Variants in TBC1D5 observed in about 807,000 individuals in gnomAD.
The protein encoded by TBC1D5 is TBC1 domain family, member 5.
Under a neutral mutation model 100.3 loss-of-function variants are expected in TBC1D5, and 75 were observed. That is an observed-to-expected ratio of 0.75 (90% CI 0.62 to 0.91). The LOEUF (loss-of-function observed/expected upper bound fraction) is 0.91. TBC1D5 is among the 40% of genes least tolerant of loss of function. The pLI is 0.00. For missense variants in TBC1D5, 910 were observed against 942.4 expected (o/e 0.97, Z 0.45); for synonymous variants, 323 against 325.6 (o/e 0.99, Z 0.09).
At chr3:17,378,176 A>G (rs1381867863) in intron 9 of TBC1D5, among the ~76,000 whole-genome samples, 2 of 151,908 alleles carry the variant, frequency 1.3e-5, no homozygotes, top group African/African-American at 4.8e-5. Flanking sequence ...AAAGTTAAGA[A>G]ATAAATTTAA....
intron 1 of TBC1D5, among the ~76,000 whole-genome samples, chr3:17,692,361 G>T (rs546681773): frequency 6.6e-6 from 1 of 152,148 alleles, no homozygotes; most frequent in African/African-American, 2.4e-5. Context: ...CAAAGTGCTG[G>T]GATTACAGGT....
At chr3:17,705,061 C>T (rs1160039448) in intron 1 of TBC1D5, among the ~76,000 whole-genome samples, 20 of 130,188 alleles carry the variant, frequency 1.5e-4, no homozygotes, top group African/African-American at 2.6e-4. Context: ...CTGACCCCCC[C>T]ACCTCCCTCC....
chr3:17,658,010 T>A (rs2153734560), intron 1 of TBC1D5, among the ~76,000 whole-genome samples: 1 of 152,332 alleles, frequency 6.6e-6, no homozygotes, highest in East Asian at 1.9e-4. Flanking sequence ...TATGTTTAGA[T>A]AAACAGATAC....
At chr3:17,297,954 G>C (rs1025268896) in intron 14 of TBC1D5, among the ~76,000 whole-genome samples, 1 of 152,060 alleles carries the variant, frequency 6.6e-6, no homozygotes, top group Non-Finnish European at 1.5e-5. Flanking sequence ...TAAGTACTCA[G>C]AATCAAAGCC....
chr3:17,694,161 A>C (rs2071624731), intron 1 of TBC1D5, among the ~76,000 whole-genome samples: 1 of 152,224 alleles, frequency 6.6e-6, no homozygotes, highest in African/African-American at 2.4e-5. Context: ...AAAAGCTGAA[A>C]ATTCCAAAAA....
At chr3:17,495,535 T>C (rs991520871) in intron 3 of TBC1D5, among the ~76,000 whole-genome samples, 1 of 152,240 alleles carries the variant, frequency 6.6e-6, no homozygotes, top group Non-Finnish European at 1.5e-5. Context: ...TATGACTTGG[T>C]TGACAGCACA....
intron 2 of TBC1D5, among the ~76,000 whole-genome samples, chr3:17,599,718 T>C (rs1485241684): frequency 1.3e-5 from 2 of 152,138 alleles, no homozygotes; most frequent in Non-Finnish European, 2.9e-5. Flanking sequence ...AGCCCAAAAG[T>C]GCTCACTCCA....
chr3:17,383,282 G>A (rs905103845), intron 9 of TBC1D5, among the ~76,000 whole-genome samples: 10 of 151,444 alleles, frequency 6.6e-5, no homozygotes, highest in African/African-American at 2.4e-4. Context: ...TGCATTTGGA[G>A]AAATACATAA....
At chr3:17,552,607 C>A (rs1250354486) in intron 2 of TBC1D5, among the ~76,000 whole-genome samples, 1 of 152,124 alleles carries the variant, frequency 6.6e-6, no homozygotes, top group African/African-American at 2.4e-5. Flanking sequence ...CCAAATAGAG[C>A]TTAAATGCTA....
chr3:17,507,704 G>C (rs981912667), intron 3 of TBC1D5, among the ~76,000 whole-genome samples: 1 of 152,068 alleles, frequency 6.6e-6, no homozygotes, highest in East Asian at 1.9e-4. Flanking sequence ...TCACAATCTT[G>C]ATACCTGCAT....
At chr3:17,629,971 A>G (rs140881748) in intron 1 of TBC1D5, among the ~76,000 whole-genome samples, 3 of 152,336 alleles carry the variant, frequency 2.0e-5, no homozygotes, top group African/African-American at 7.2e-5. Context: ...CATGAGGGCT[A>G]AAAATAAGGC....
intron 3 of TBC1D5, among the ~76,000 whole-genome samples, chr3:17,483,745 A>G (rs1371286510): frequency 1.3e-5 from 2 of 152,220 alleles, no homozygotes; most frequent in African/African-American, 2.4e-5. Flanking sequence ...TTAACAAGAC[A>G]AAAGATTTGT....
Position 17,161,235 on chromosome 3 carries a change from AC to A in TBC1D5, c.2115del (p.Cys706AlafsTer12). 1 of 1,612,602 alleles carries A rather than the reference AC, an allele frequency of 6.2e-7. No individual in the cohort carries two copies. Among genetic ancestry groups the A allele is most frequent in the Non-Finnish European group, 8.5e-7 (1 of 1,179,054 alleles). The stretch of plus-strand genomic sequence containing the variant: ...TCATCGGAATTCCCTCTATCAGTGC[AC>A]CCTGGCGTTTCTGAAGAGGCCTGTG... On this transcript the variant is annotated frameshift_variant, in exon 22 of 22. Coordinates refer to ENST00000253692, the Ensembl canonical transcript of TBC1D5. LOFTEE classifies it high-confidence loss of function.
chr3:17,236,485 C>G (rs1043774374), intron 17 of TBC1D5, among the ~76,000 whole-genome samples: 1 of 150,870 alleles, frequency 6.6e-6, no homozygotes, highest in Non-Finnish European at 1.5e-5. Flanking sequence ...TAATTTTCAA[C>G]GAGATTTTTT....
intron 18 of TBC1D5, among the ~76,000 whole-genome samples, chr3:17,188,726 G>A: frequency 6.6e-6 from 1 of 152,114 alleles, no homozygotes; most frequent in Non-Finnish European, 1.5e-5. Flanking sequence ...CAAAACTGTG[G>A]GAACTGACTT....
At chr3:17,556,477 A>G (rs2096522184) in intron 2 of TBC1D5, among the ~76,000 whole-genome samples, 1 of 152,096 alleles carries the variant, frequency 6.6e-6, no homozygotes, top group South Asian at 2.1e-4. Context: ...AATAACTACT[A>G]AGCCTGCCTC....
chr3:17,317,745 C>A (rs1208423728), intron 13 of TBC1D5, among the ~76,000 whole-genome samples: 1 of 152,050 alleles, frequency 6.6e-6, no homozygotes, highest in Non-Finnish European at 1.5e-5. Flanking sequence ...GCATTTATAT[C>A]AATTTTTTGA....
chr3:17,410,366 T>C (rs1167003926), intron 4 of TBC1D5, among the ~76,000 whole-genome samples: 1 of 152,190 alleles, frequency 6.6e-6, no homozygotes, highest in African/African-American at 2.4e-5. Flanking sequence ...CTGATGGATA[T>C]GTACAAAGAG....
chr3:17,353,605 T>A (rs1205292387), intron 13 of TBC1D5, among the ~76,000 whole-genome samples: 2 of 152,246 alleles, frequency 1.3e-5, no homozygotes, highest in East Asian at 3.9e-4. Context: ...TTTCTTATTA[T>A]CTTTTCCTTC....
Sources: allele counts gnomAD v4.1 joint callset (sites outside exome capture counted in the v4.1 genomes callset), GRCh38; gene constraint gnomAD v4.1.1; transcripts MANE v1.5; gene names NCBI Gene and HGNC (gene_info 2026-07-23, HGNC 2026-07-21).